The following DLGAP2 variants were observed in gnomAD, a reference collection of about 807,000 sequenced individuals.
The protein encoded by DLGAP2 is disks large-associated protein 2.
In DLGAP2, 26 loss-of-function variants were observed where a neutral mutation model predicts 100.3. The observed-to-expected ratio is 0.26, with a 90% confidence interval of 0.19 to 0.36. The LOEUF is 0.36. DLGAP2 is among the 10% of genes least tolerant of loss of function. The pLI is 1.00. For missense variants in DLGAP2, 1,858 were observed against 1,453.2 expected (o/e 1.28, Z -4.53); for synonymous variants, 886 against 630.1 (o/e 1.41, Z -6.08).
At chr8:965,350 G>A (rs1191924709) in intron 2 of DLGAP2, among the ~76,000 whole-genome samples, 1 of 92,390 alleles carries the variant, frequency 1.1e-5, no homozygotes, top group African/African-American at 4.7e-5. Flanking sequence ...CACCACACAG[G>A]GCTCCTGAGT....
chr8:1,188,367 G>T (rs560678457), intron 2 of DLGAP2, among the ~76,000 whole-genome samples: 1 of 102,992 alleles, frequency 9.7e-6, no homozygotes, highest in Non-Finnish European at 1.9e-5. Flanking sequence ...CGTGACGTTT[G>T]CCTCACGGAA....
intron 3 of DLGAP2, among the ~76,000 whole-genome samples, chr8:1,313,123 G>C (rs1207559358): frequency 1.3e-5 from 2 of 152,172 alleles, no homozygotes; most frequent in Non-Finnish European, 2.9e-5. Context: ...TGCCCCTTTG[G>C]GGGGTGACAT....
intron 1 of DLGAP2, among the ~76,000 whole-genome samples, chr8:778,029 C>G (rs887060988): frequency 7.4e-5 from 10 of 135,290 alleles, no homozygotes; most frequent in Non-Finnish European, 1.4e-4. Context: ...TCCCATATTT[C>G]TTGGAGGCTT....
intron 2 of DLGAP2, among the ~76,000 whole-genome samples, chr8:1,060,353 G>GCTGTGTCCT (rs1803041877): frequency 4.1e-5 from 3 of 72,840 alleles, no homozygotes; most frequent in Non-Finnish European, 1.0e-4. Flanking sequence ...CTGAGTGCTT[G>GCTGTGTCCT]TGGATAGATA....
intron 2 of DLGAP2, among the ~76,000 whole-genome samples, chr8:917,341 C>G (rs1365925233): frequency 1.3e-5 from 2 of 151,298 alleles, no homozygotes; most frequent in Non-Finnish European, 2.9e-5. Flanking sequence ...CAGGCACAAA[C>G]AATCTTTCCA....
chr8:1,096,073 A>T (rs1361959625), intron 2 of DLGAP2, among the ~76,000 whole-genome samples: 1 of 152,252 alleles, frequency 6.6e-6, no homozygotes, highest in Non-Finnish European at 1.5e-5. Context: ...GTTTGTTCAG[A>T]GATGACGTTG....
intron 2 of DLGAP2, among the ~76,000 whole-genome samples, chr8:1,085,859 A>G (rs1803958484): frequency 6.6e-6 from 1 of 152,220 alleles, no homozygotes; most frequent in African/African-American, 2.4e-5. Flanking sequence ...CCCTTTGGGT[A>G]TGATGGACAA....
At chr8:900,191 C>G (rs1798222250) in intron 1 of DLGAP2, among the ~76,000 whole-genome samples, 1 of 150,406 alleles carries the variant, frequency 6.6e-6, no homozygotes, top group Non-Finnish European at 1.5e-5. Context: ...TGGGTGCCCT[C>G]CTCTTCACGG....
chr8:837,975 C>T (rs979669653), intron 1 of DLGAP2, among the ~76,000 whole-genome samples: 1 of 150,876 alleles, frequency 6.6e-6, no homozygotes, highest in East Asian at 1.9e-4. Context: ...GATCTGCCTG[C>T]CTTGGCCTCC....
chr8:1,312,047 C>G (rs1246508071), intron 3 of DLGAP2, among the ~76,000 whole-genome samples: 2 of 152,174 alleles, frequency 1.3e-5, no homozygotes, highest in African/African-American at 4.8e-5. Flanking sequence ...GTGATACCAT[C>G]AATCAACTGA....
intron 2 of DLGAP2, among the ~76,000 whole-genome samples, chr8:987,854 C>T (rs550590323): frequency 6.6e-6 from 1 of 152,308 alleles, no homozygotes; most frequent in South Asian, 2.1e-4. Context: ...AAAGGATCCT[C>T]TCTTTCAGCT....
At chr8:904,964 C>T (rs534871578) in intron 1 of DLGAP2, among the ~76,000 whole-genome samples, 7 of 152,284 alleles carry the variant, frequency 4.6e-5, no homozygotes, top group South Asian at 2.1e-4. Context: ...AGAGCCGGTG[C>T]GGCAAGCGAC....
Position 1,641,965 on chromosome 8 carries a change from TCGACCCCGCCGGTCC to T in DLGAP2, c.1810+8921_1810+8935del, listed in dbSNP as rs1563275404. On this transcript the variant is annotated intron_variant, in intron 8 of 14. Coordinates refer to ENST00000637795, the MANE Select transcript of DLGAP2 (RefSeq NM_001346810.2). ...CCGCCGGTCCTCACCTGTGTCACCC[TCGACCCCGCCGGTCC>T]CCACCTGTGTCACCCTCGACCCCGC... 5.8e-3 allele frequency among the ~76,000 whole-genome samples: 501 copies of T among 85,728 alleles called. 2 individuals carry two copies. Among genetic ancestry groups the T allele is most frequent in the South Asian group, 7.5e-3 (16 of 2,138 alleles). The allele number at this position is 85,728 out of a possible 152,430, so 56.2% of individuals were successfully genotyped here.
intron 2 of DLGAP2, among the ~76,000 whole-genome samples, chr8:1,043,060 G>GTGGATGTGGGTGGTGGATGTGGGTGA (rs1802406804): frequency 1.4e-5 from 2 of 145,066 alleles, no homozygotes; most frequent in Non-Finnish European, 3.0e-5. Flanking sequence ...CTGGCAGGTG[G>GTGGATGTGGGTGGTGGATGTGGGTGA]TGGATGTGGG....
intron 5 of DLGAP2, among the ~76,000 whole-genome samples, chr8:1,556,344 C>T (rs925215843): frequency 3.3e-5 from 5 of 152,106 alleles, no homozygotes; most frequent in South Asian, 2.1e-4. Context: ...TCCTCTCCCA[C>T]CCAGGACAGC....
At chr8:1,178,459 TATA>T (rs1797308689) in intron 2 of DLGAP2, among the ~76,000 whole-genome samples, 1 of 152,202 alleles carries the variant, frequency 6.6e-6, no homozygotes, top group Non-Finnish European at 1.5e-5. Context: ...CTGCTTCTGC[TATA>T]ATAATAGACG....
intron 2 of DLGAP2, among the ~76,000 whole-genome samples, chr8:1,235,297 C>G (rs1383273442): frequency 6.6e-6 from 1 of 151,456 alleles, no homozygotes; most frequent in African/African-American, 2.4e-5. Context: ...CTAGTTCCCT[C>G]ACACATGGCA....
rs1688799508 is a variant in DLGAP2 at position 1,032,375 on chromosome 8, C to A, written c.73+124409C>A. 2.0e-5 allele frequency among the ~76,000 whole-genome samples: 3 copies of A among 152,304 alleles called. No homozygotes were observed. In the South Asian group the frequency reaches 6.2e-4, roughly 32 times the overall value. On this transcript the variant is annotated intron_variant, in intron 2 of 14. Transcript: ENST00000637795. ...CCTGTCACTCGGCAGGACCTGGCTCCCAGCGATTTCTCCACAGGTGGAAGC... is the reference window on the plus strand; with the variant it reads ...CCTGTCACTCGGCAGGACCTGGCTCACAGCGATTTCTCCACAGGTGGAAGC...
chr8:1,227,504 T>C (rs1361538964), intron 2 of DLGAP2, among the ~76,000 whole-genome samples: 1 of 150,950 alleles, frequency 6.6e-6, no homozygotes, highest in African/African-American at 2.4e-5. Context: ...TTCTTTTCTT[T>C]TTTTTTTTTG....
Sources: allele counts gnomAD v4.1 joint callset (sites outside exome capture counted in the v4.1 genomes callset), GRCh38; gene constraint gnomAD v4.1.1; transcripts MANE v1.5; gene names NCBI Gene and HGNC (gene_info 2026-07-23, HGNC 2026-07-21).